Variants in HMGCLL1 observed in about 807,000 individuals in gnomAD.
HMGCLL1 encodes 3-hydroxy-3-methylglutaryl-CoA lyase like 1.
In HMGCLL1, 36 loss-of-function variants were observed where a neutral mutation model predicts 39.1. The ratio of observed to expected loss-of-function variants is 0.92; its 90% CI spans 0.71 to 1.22. The LOEUF (loss-of-function observed/expected upper bound fraction) is 1.22. HMGCLL1 is among the 50% of genes most tolerant of loss of function. The probability of loss-of-function intolerance (pLI) is 0.00; values close to 1 mark genes in which losing one functional copy is unlikely to be tolerated. For missense variants in HMGCLL1, 451 were observed against 416.5 expected, an observed-to-expected ratio of 1.08 and a Z score of -0.72; for synonymous variants, 149 against 144.0, an observed-to-expected ratio of 1.03 and a Z score of -0.25.
chr6:55,648,928 G>C, the HMGCLL1 span, among the ~76,000 whole-genome samples: 1 of 148,874 alleles, frequency 6.7e-6, no homozygotes, highest in Non-Finnish European at 1.5e-5. Context: ...GAGAATTTTA[G>C]ACCAATATCC....
At chr6:55,518,403 A>G (rs1436938878) in intron 3 of HMGCLL1, among the ~76,000 whole-genome samples, 1 of 152,168 alleles carries the variant, frequency 6.6e-6, no homozygotes, top group Non-Finnish European at 1.5e-5. Context: ...CCAACAAAAA[A>G]TGGCCACACC....
intron 7 of HMGCLL1, among the ~76,000 whole-genome samples, chr6:55,474,911 G>A (rs73447050): frequency 0.08 from 12,156 of 151,524 alleles, 1,575 homozygotes; most frequent in African/African-American, 0.28. Flanking sequence ...TCAGATAAAC[G>A]GGTCTGCTTC....
intron 1 of HMGCLL1, 106 bp downstream of exon 1, chr6:55,578,842 T>C (rs1053691344): frequency 2.6e-6 from 2 of 772,656 alleles, no homozygotes; most frequent in Non-Finnish European, 4.4e-6. Flanking sequence ...GGTCCTGGGG[T>C]GAGGAGGTGA....
At chr6:55,539,240 G>A (rs1264842485) in intron 3 of HMGCLL1, among the ~76,000 whole-genome samples, 1 of 152,132 alleles carries the variant, frequency 6.6e-6, no homozygotes, top group African/African-American at 2.4e-5. Context: ...AAGTTTCCAG[G>A]CTTTGTCAAT....
the HMGCLL1 span, among the ~76,000 whole-genome samples, chr6:55,598,302 T>C: frequency 6.6e-6 from 1 of 152,274 alleles, no homozygotes; most frequent in East Asian, 1.9e-4. Context: ...TTAGCTTGTG[T>C]TGAAAAAAAT....
At chr6:55,623,699 A>G in the HMGCLL1 span, among the ~76,000 whole-genome samples, 1 of 149,310 alleles carries the variant, frequency 6.7e-6, no homozygotes, top group Non-Finnish European at 1.5e-5. Context: ...ATATACATAT[A>G]CACATATAAT....
At chr6:55,464,692 C>T (rs913373197) in intron 7 of HMGCLL1, among the ~76,000 whole-genome samples, 2 of 152,106 alleles carry the variant, frequency 1.3e-5, no homozygotes, top group Non-Finnish European at 2.9e-5. Context: ...AGAGCCCAGG[C>T]CTTCCCCTAC....
the HMGCLL1 span, among the ~76,000 whole-genome samples, chr6:55,661,480 A>G: frequency 1.3e-5 from 2 of 151,900 alleles, no homozygotes; most frequent in African/African-American, 4.8e-5. Context: ...TTCTTTCCCC[A>G]GTGCTTGTTT....
chr6:55,480,811 T>G (rs759538316), intron 7 of HMGCLL1, among the ~76,000 whole-genome samples: 15 of 148,222 alleles, frequency 1.0e-4, no homozygotes, highest in South Asian at 2.1e-4. Flanking sequence ...TAAAAAAGAA[T>G]GAGATCCCGT....
At chr6:55,663,183 C>T in the HMGCLL1 span, among the ~76,000 whole-genome samples, 2 of 150,492 alleles carry the variant, frequency 1.3e-5, no homozygotes, top group Non-Finnish European at 3.0e-5. Flanking sequence ...TCTCAATCTC[C>T]TTCAGTTCCG....
At chr6:55,573,871 A>G (rs1350172375) in intron 1 of HMGCLL1, among the ~76,000 whole-genome samples, 1 of 152,144 alleles carries the variant, frequency 6.6e-6, no homozygotes, top group Non-Finnish European at 1.5e-5. Context: ...AGATGAATGC[A>G]AAAGAAAGTA....
chr6:55,594,776 G>A, the HMGCLL1 span, among the ~76,000 whole-genome samples: 1 of 152,086 alleles, frequency 6.6e-6, no homozygotes, highest in Non-Finnish European at 1.5e-5. Context: ...CATGACCTGT[G>A]CCTAGTGTGA....
the HMGCLL1 span, among the ~76,000 whole-genome samples, chr6:55,624,443 G>C: frequency 6.6e-6 from 1 of 152,148 alleles, no homozygotes; most frequent in African/African-American, 2.4e-5. Context: ...CCCACCAAAA[G>C]CAATTTGACT....
intron 7 of HMGCLL1, among the ~76,000 whole-genome samples, chr6:55,464,188 C>T (rs1423202332): frequency 1.3e-5 from 2 of 151,982 alleles, no homozygotes; most frequent in Admixed American, 1.3e-4. Flanking sequence ...CAACTGAAAG[C>T]ATAATTAAAT....
At chr6:55,444,269 CA>C (rs1438734968) in intron 7 of HMGCLL1, among the ~76,000 whole-genome samples, 2 of 152,036 alleles carry the variant, frequency 1.3e-5, no homozygotes, top group Non-Finnish European at 2.9e-5. Flanking sequence ...TTTGTCCCAA[CA>C]GTTCCTTATC....
intron 5 of HMGCLL1, among the ~76,000 whole-genome samples, chr6:55,510,462 TA>T (rs911778853): frequency 2.6e-5 from 4 of 151,114 alleles, no homozygotes; most frequent in African/African-American, 4.9e-5. Context: ...TATGCAGCCA[TA>T]AAAAATGATG....
chr6:55,614,506 A>T, the HMGCLL1 span, among the ~76,000 whole-genome samples: 2 of 152,176 alleles, frequency 1.3e-5, no homozygotes, highest in Non-Finnish European at 2.9e-5. Context: ...ATTTAGTTAT[A>T]GCGGCCCAAG....
chr6:55,623,592 T>C, the HMGCLL1 span, among the ~76,000 whole-genome samples: 1 of 151,418 alleles, frequency 6.6e-6, no homozygotes, highest in South Asian at 2.1e-4. Context: ...CACCCAGATA[T>C]ACAGAGCAAA....
intron 1 of HMGCLL1, among the ~76,000 whole-genome samples, chr6:55,545,622 T>C (rs1292981303): frequency 6.6e-6 from 1 of 152,080 alleles, no homozygotes; most frequent in African/African-American, 2.4e-5. Context: ...TCCAATTATA[T>C]ATAAGTGTAA....
Sources: gnomAD v4.1 joint callset for allele counts (sites outside exome capture counted in the v4.1 genomes callset) on GRCh38, gnomAD v4.1.1 for gene constraint, MANE v1.5 for transcripts, NCBI Gene and HGNC (gene_info 2026-07-23, HGNC 2026-07-21) for gene names.